The following STPG2 variants were observed in gnomAD, a reference collection of about 807,000 sequenced individuals.
STPG2 encodes the protein sperm tail PG-rich repeat containing 2.
STPG2 carries 56 observed loss-of-function variants against 54.2 expected under a neutral mutation model. The observed-to-expected ratio is 1.03, with a 90% CI of 0.83 to 1.29. STPG2 has a LOEUF of 1.29. STPG2 is among the 50% of genes most tolerant of loss of function. The probability of loss-of-function intolerance (pLI) is 0.00; values close to 1 mark genes in which losing one functional copy is unlikely to be tolerated. For missense variants in STPG2, 596 were observed against 544.9 expected, an observed-to-expected ratio of 1.09 and a Z score of -0.93; for synonymous variants, 200 against 181.8, an observed-to-expected ratio of 1.10 and a Z score of -0.81.
intron 5 of STPG2, among the ~76,000 whole-genome samples, chr4:98,039,322 C>T (rs1268842510): frequency 9.2e-6 from 1 of 108,914 alleles, no homozygotes; most frequent in Non-Finnish European, 2.0e-5. Flanking sequence ...GAATAAATCC[C>T]CCGTGGGAGA....
chr4:97,605,836 T>C (rs1733579565), intron 10 of STPG2, among the ~76,000 whole-genome samples: 1 of 151,508 alleles, frequency 6.6e-6, no homozygotes, highest in South Asian at 2.1e-4. Flanking sequence ...AAAATCTGTG[T>C]TTAGAAACAA....
chr4:97,607,850 T>C (rs936846637), intron 10 of STPG2, among the ~76,000 whole-genome samples: 6 of 152,010 alleles, frequency 3.9e-5, no homozygotes, highest in African/African-American at 1.4e-4. Context: ...GGTATCTGCC[T>C]GGGTCATGAA....
At chr4:97,558,286 C>T (rs1732129558), downstream of STPG2, among the ~76,000 whole-genome samples, 1 of 152,254 alleles carries the variant, frequency 6.6e-6, no homozygotes, top group South Asian at 2.1e-4. Flanking sequence ...TAGTAAAAAT[C>T]TCAGAATGGG....
At chr4:97,743,419 T>C (rs1725328832) in intron 9 of STPG2, among the ~76,000 whole-genome samples, 1 of 151,744 alleles carries the variant, frequency 6.6e-6, no homozygotes, top group African/African-American at 2.4e-5. Flanking sequence ...TATTGTTATT[T>C]ACACAACCAA....
intron 8 of STPG2, among the ~76,000 whole-genome samples, chr4:97,875,813 T>C (rs1010763336): frequency 1.3e-5 from 2 of 152,136 alleles, no homozygotes; most frequent in South Asian, 2.1e-4. Context: ...TTTTCCAACA[T>C]TATCTTCAGA....
intron 9 of STPG2, among the ~76,000 whole-genome samples, chr4:97,769,192 T>C (rs1726148830): frequency 6.6e-6 from 1 of 152,204 alleles, no homozygotes; most frequent in Admixed American, 6.5e-5. Context: ...CTTAGAGTTT[T>C]ATACTTAGTT....
chr4:98,088,337 A>G (rs1186603043), intron 5 of STPG2, among the ~76,000 whole-genome samples: 2 of 152,134 alleles, frequency 1.3e-5, no homozygotes, highest in Non-Finnish European at 2.9e-5. Flanking sequence ...TAAACCTTAG[A>G]GATTTATGTC....
At chr4:97,920,463 G>A (rs141835672) in intron 8 of STPG2, among the ~76,000 whole-genome samples, 1 of 152,196 alleles carries the variant, frequency 6.6e-6, no homozygotes, top group East Asian at 1.9e-4. Context: ...CTACCGACTG[G>A]GGTGACTTAT....
At chr4:97,588,738 A>G (rs1356916452) in intron 10 of STPG2, among the ~76,000 whole-genome samples, 2 of 152,096 alleles carry the variant, frequency 1.3e-5, no homozygotes, top group African/African-American at 4.8e-5. Flanking sequence ...TGTTTTACCG[A>G]TATGATTATC....
intron 5 of STPG2, among the ~76,000 whole-genome samples, chr4:98,020,831 G>T: frequency 6.6e-6 from 1 of 152,050 alleles, no homozygotes; most frequent in Non-Finnish European, 1.5e-5. Context: ...ATTCTCTGAT[G>T]GTAGTTTGTA....
intron 8 of STPG2, among the ~76,000 whole-genome samples, chr4:97,878,084 T>C (rs1174356355): frequency 6.6e-6 from 1 of 152,206 alleles, no homozygotes; most frequent in Non-Finnish European, 1.5e-5. Flanking sequence ...TTTGACTCCA[T>C]GTTTCACATC....
At chr4:97,736,727 C>T (rs1271268606) in intron 9 of STPG2, among the ~76,000 whole-genome samples, 2 of 152,188 alleles carry the variant, frequency 1.3e-5, no homozygotes, top group African/African-American at 4.8e-5. Context: ...TGGGTGGAGC[C>T]CACCACAGCT....
At chr4:97,984,053 T>G (rs1734756481) in intron 5 of STPG2, among the ~76,000 whole-genome samples, 1 of 110,130 alleles carries the variant, frequency 9.1e-6, no homozygotes, top group South Asian at 3.8e-4. Flanking sequence ...TATCAACTTT[T>G]TTGCTCAAAC....
rs1242260121 is a variant in STPG2, at chr4:98,130,952, G to GAAAA, written c.223-2361_223-2360insTTTT. On this transcript the variant is annotated intron_variant, in intron 2 of 10. Coordinates refer to ENST00000295268, the MANE Select transcript of STPG2 (RefSeq NM_174952.3). ...AAAAAAAAAAAAACAAAAAAAAAAC[G>GAAAA]ACTTTCCAAAATATAGCCCCTACCT... 1.7e-3 allele frequency among the ~76,000 whole-genome samples: 137 copies of GAAAA among 81,872 alleles called. 13 individuals carry two copies. The highest frequency in any genetic ancestry group is 2.6e-3 in the South Asian group (6 of 2,296). 53.7% of individuals were successfully genotyped at this position (81,872 alleles called of 152,430 possible).
intron 4 of STPG2, among the ~76,000 whole-genome samples, chr4:97,546,450 T>C (rs571601907): frequency 2.6e-5 from 4 of 152,150 alleles, no homozygotes; most frequent in Non-Finnish European, 4.4e-5. Context: ...CAGAATAAGA[T>C]TGGCAGACAT....
chr4:97,778,516 G>A (rs770280324), intron 9 of STPG2, among the ~76,000 whole-genome samples: 3 of 152,184 alleles, frequency 2.0e-5, no homozygotes, highest in Non-Finnish European at 2.9e-5. Context: ...GCAGGGCATA[G>A]CTGAACAAAA....
intron 1 of STPG2, among the ~76,000 whole-genome samples, 170 bp from the exon 2 acceptor site, chr4:98,134,629 G>T (rs940197780): frequency 6.6e-6 from 1 of 150,684 alleles, no homozygotes; most frequent in African/African-American, 2.4e-5. Context: ...TATAAGATCA[G>T]AATTTTTATT....
chr4:98,131,957 T>C (rs1740008683), intron 2 of STPG2, among the ~76,000 whole-genome samples: 1 of 152,114 alleles, frequency 6.6e-6, no homozygotes, highest in Non-Finnish European at 1.5e-5. Flanking sequence ...TAAATTCCTA[T>C]GGCATTTCAT....
intron 10 of STPG2, among the ~76,000 whole-genome samples, chr4:97,676,180 G>A (rs1007050240): frequency 1.3e-5 from 2 of 150,618 alleles, no homozygotes; most frequent in African/African-American, 4.9e-5. Context: ...GTTTTCTGCT[G>A]TATGATTCGA....
Sources: allele counts gnomAD v4.1 joint callset (sites outside exome capture counted in the v4.1 genomes callset), GRCh38; gene constraint gnomAD v4.1.1; transcripts MANE v1.5; gene names NCBI Gene and HGNC (gene_info 2026-07-23, HGNC 2026-07-21).